SLC38A1: variants seen among roughly 807,000 people sequenced by gnomAD.
SLC38A1 encodes sodium-coupled neutral amino acid symporter 1.
SLC38A1 carries 18 observed loss-of-function variants against 60.3 expected under a neutral mutation model. The observed-to-expected ratio is 0.30, with a 90% CI of 0.21 to 0.44. The LOEUF is 0.44. Among genes scored for constraint, SLC38A1 ranks in the 20% least tolerant of loss-of-function variants. SLC38A1 has a pLI of 1.00. For synonymous variants in SLC38A1, 196 were observed against 212.1 expected (o/e 0.92, Z 0.66); for missense variants, 448 against 587.2 (o/e 0.76, Z 2.45).
At chr12:46,213,820 C>A (rs1185797371) in intron 5 of SLC38A1, among the ~76,000 whole-genome samples, 3 of 152,226 alleles carry the variant, frequency 2.0e-5, no homozygotes, top group African/African-American at 7.2e-5. Flanking sequence ...GTAAGACAGA[C>A]AACGACAGTT....
chr12:46,249,008 T>C lies in SLC38A1; in HGVS notation c.-208-5694A>G, dbSNP rs1197042963. Among the ~76,000 whole-genome samples the C allele has an allele frequency of 2.0e-5, 3 of 151,652 alleles. No homozygotes were observed. In the East Asian group the frequency reaches 5.8e-4, roughly 29 times the overall value. On this transcript the variant is annotated intron_variant, in intron 1 of 16. Coordinates refer to ENST00000398637, the MANE Select transcript of SLC38A1 (RefSeq NM_030674.4). ...CGTCTCTACTAAAAATACAAAAAATTAACCAGGTGCGGTGGCGGGTGCCTG... is the reference window on the plus strand; with the variant it reads ...CGTCTCTACTAAAAATACAAAAAATCAACCAGGTGCGGTGGCGGGTGCCTG...
At position 46,257,158 on chromosome 12, in the gene SLC38A1, G is replaced by A. The variant is rs11183412; in HGVS notation, c.-209+11368C>T. On this transcript the variant is annotated intron_variant, in intron 1 of 16. Coordinates refer to ENST00000398637, the MANE Select transcript of SLC38A1 (RefSeq NM_030674.4). ...CAGCTCTCAAGTTTCCCCTTTTAGG[G>A]AGGAAAAAGCATTCCGTGTCCCAAG... 3.3e-3 allele frequency among the ~76,000 whole-genome samples: 495 copies of A among 152,196 alleles called. 8 individuals are homozygous for A. The East Asian group carries it at 0.058, about 18-fold the overall frequency.
chr12:46,203,568 G>C (rs185556217), intron 11 of SLC38A1, among the ~76,000 whole-genome samples: 1 of 152,166 alleles, frequency 6.6e-6, no homozygotes, highest in Non-Finnish European at 1.5e-5. Flanking sequence ...CCTCTGAAAA[G>C]AAAATCTGTT....
intron 3 of SLC38A1, among the ~76,000 whole-genome samples, chr12:46,235,183 A>G (rs951079600): frequency 3.3e-5 from 5 of 151,838 alleles, no homozygotes; most frequent in African/African-American, 1.2e-4. Context: ...CAAGAAACAG[A>G]GAGGTTCTGT....
intron 3 of SLC38A1, among the ~76,000 whole-genome samples, chr12:46,237,939 A>G (rs1369642133): frequency 6.6e-6 from 1 of 151,854 alleles, no homozygotes; most frequent in Admixed American, 6.6e-5. Context: ...TAGAACTATT[A>G]AAGACTAGCT....
chr12:46,203,115 T>C, intron 11 of SLC38A1, 26 bp from the exon 12 acceptor site: 6 of 1,579,798 alleles, frequency 3.8e-6, no homozygotes, highest in Non-Finnish European at 5.2e-6. Context: ...GAATAGACAT[T>C]AGGAAAAACA....
intron 1 of SLC38A1, among the ~76,000 whole-genome samples, 161 bp from the exon 2 acceptor site, chr12:46,243,475 T>C (rs1018881697): frequency 6.6e-6 from 1 of 151,982 alleles, no homozygotes; most frequent in African/African-American, 2.4e-5. Flanking sequence ...CCATTACTGT[T>C]GATACTTGGT....
At chr12:46,247,717 C>G (rs370823017) in intron 1 of SLC38A1, among the ~76,000 whole-genome samples, 24 of 152,098 alleles carry the variant, frequency 1.6e-4, no homozygotes, top group African/African-American at 4.3e-4. Flanking sequence ...AAGAGCAACT[C>G]CAAGACACAT....
intron 16 of SLC38A1, among the ~76,000 whole-genome samples, chr12:46,193,505 T>C (rs1939232960): frequency 6.6e-6 from 1 of 152,194 alleles, no homozygotes; most frequent in South Asian, 2.1e-4. Context: ...TCTGTCTCGT[T>C]GATCTGTCTA....
chr12:46,220,589 G>A (rs1448319817), intron 5 of SLC38A1, among the ~76,000 whole-genome samples: 1 of 152,186 alleles, frequency 6.6e-6, no homozygotes, highest in East Asian at 1.9e-4. Context: ...AATGCACAGA[G>A]GAGATGACTT....
At chr12:46,221,078 T>A (rs1485308854) in intron 5 of SLC38A1, among the ~76,000 whole-genome samples, 1 of 152,160 alleles carries the variant, frequency 6.6e-6, no homozygotes, top group African/African-American at 2.4e-5. Context: ...TTTCGACTTA[T>A]CCTTACTGGA....
intron 3 of SLC38A1, among the ~76,000 whole-genome samples, chr12:46,234,119 T>A (rs757872417): frequency 4.1e-4 from 63 of 152,228 alleles, no homozygotes; most frequent in Admixed American, 2.0e-3. Context: ...ACACTCTGGT[T>A]TGGAATTTTT....
chr12:46,268,762 A>C lies in SLC38A1; in HGVS notation c.-445T>G, dbSNP rs984159515. ...TCTGGCGGAGTGGCGTGGCCGCCCC[A>C]GTCCGCGCTCGCCTGGCTCTCCTCC... On this transcript the variant is annotated 5_prime_UTR_variant, in exon 1 of 17. Coordinates refer to ENST00000398637, the MANE Select transcript of SLC38A1 (RefSeq NM_030674.4). The surrounding 1 kb of genome is among the most constrained non-coding windows in gnomAD (Gnocchi z 4.4). The C allele has an allele frequency of 1.6e-5, 5 of 321,892 alleles. No homozygotes were observed. Among genetic ancestry groups the C allele is most frequent in the Admixed American group, 6.2e-5 (2 of 32,202 alleles). The allele number at this position is 321,892 out of a possible 1,614,324, so 19.9% of individuals were successfully genotyped here.
intron 5 of SLC38A1, among the ~76,000 whole-genome samples, chr12:46,210,910 G>C (rs750603624): frequency 1.3e-5 from 2 of 152,172 alleles, no homozygotes; most frequent in Non-Finnish European, 2.9e-5. Flanking sequence ...CACTGATTAA[G>C]AGGGTAGGTC....
At chr12:46,207,014 A>C in intron 8 of SLC38A1, 141 bp downstream of exon 8, 1 of 618,772 alleles carries the variant, frequency 1.6e-6, no homozygotes, top group East Asian at 2.8e-5. Context: ...GCCCCAAAGA[A>C]ATTTATTGTT....
At chr12:46,238,682 G>C (rs181331660) in intron 3 of SLC38A1, among the ~76,000 whole-genome samples, 9 of 152,122 alleles carry the variant, frequency 5.9e-5, no homozygotes, top group Non-Finnish European at 8.8e-5. Flanking sequence ...AAGACATTTG[G>C]TTCTACTCTT....
rs536013072 is a variant in SLC38A1 at position 46,207,761 on chromosome 12, T to C, written c.389-140A>G. The C allele has an allele frequency of 9.2e-5, 70 of 760,244 alleles. No individual in the cohort carries two copies. In the East Asian group the frequency reaches 1.3e-3, roughly 14 times the overall value. The allele number at this position is 760,244 out of a possible 1,614,324, so 47.1% of individuals were successfully genotyped here. A position where few individuals can be genotyped will look rare whatever the true frequency, so the allele number is the denominator to read the frequency against. ...ACTCACACAAATAGTCATTTTGGCC[T>C]TCAGGGGTTAAGGTATCCTCATTAC... On this transcript the variant is annotated intron_variant, in intron 6 of 16. Transcript: ENST00000398637.
intron 3 of SLC38A1, among the ~76,000 whole-genome samples, chr12:46,230,722 A>G (rs1941042541): frequency 6.6e-6 from 1 of 152,266 alleles, no homozygotes; most frequent in South Asian, 2.1e-4. Context: ...CAGGGTGAGT[A>G]TCAAAACTTT....
intron 1 of SLC38A1, among the ~76,000 whole-genome samples, chr12:46,251,890 G>T (rs1324588373): frequency 6.6e-6 from 1 of 152,062 alleles, no homozygotes; most frequent in Non-Finnish European, 1.5e-5. Context: ...ACTCTTGGTG[G>T]GAGTGTAAAT....
Sources: allele counts gnomAD v4.1 joint callset (sites outside exome capture counted in the v4.1 genomes callset), GRCh38; gene constraint gnomAD v4.1.1; non-coding constraint Gnocchi (gnomAD v3.1); transcripts MANE v1.5; gene names NCBI Gene and HGNC (gene_info 2026-07-23, HGNC 2026-07-21).